DENND2B: variants seen among roughly 807,000 people sequenced by gnomAD.
DENND2B encodes the protein DENN domain containing 2B.
Under a neutral mutation model 116.0 loss-of-function variants are expected in DENND2B, and 32 were observed. The observed-to-expected ratio is 0.28, with a 90% CI of 0.21 to 0.37. The LOEUF is 0.37. DENND2B is among the 10% of genes least tolerant of loss of function. The pLI, the probability that DENND2B is intolerant of heterozygous loss-of-function variation, is 1.00. For synonymous variants in DENND2B, 588 were observed against 583.9 expected (o/e 1.01, Z -0.10); for missense variants, 1,276 against 1,477.7 (o/e 0.86, Z 2.24).
chr11:8,772,144 C>CAT (rs1184948774), intron 1 of DENND2B, among the ~76,000 whole-genome samples: 1 of 151,694 alleles, frequency 6.6e-6, no homozygotes, highest in Non-Finnish European at 1.5e-5. Context: ...CACACACACA[C>CAT]ACACACACAC....
At chr11:8,773,174 C>T (rs930548114) in intron 1 of DENND2B, among the ~76,000 whole-genome samples, 17 of 152,176 alleles carry the variant, frequency 1.1e-4, no homozygotes, top group African/African-American at 3.9e-4. Context: ...CTGCAGACCC[C>T]TTTCCCTTAA....
rs186448132 is a variant in DENND2B, at chr11:8,766,679, C to G, written c.-25-15954G>C. ...GGTTTCTTGCCAGCTATGCGCCCCA[C>G]CTCCATTCTTCCTTGAAGTCATAAT... On this transcript the variant is annotated intron_variant, in intron 1 of 19. Transcript: ENST00000313726. 1.2e-4 allele frequency: 151 copies of G among 1,289,154 alleles called. 1 individual carries two copies. In the East Asian group the frequency reaches 7.4e-3, roughly 64 times the overall value. The allele number at this position is 1,289,154 out of a possible 1,614,324, so 79.9% of individuals were successfully genotyped here.
chr11:8,806,906 G>GT (rs2060910266), intron 1 of DENND2B, among the ~76,000 whole-genome samples: 1 of 30,962 alleles, frequency 3.2e-5, no homozygotes, highest in African/African-American at 6.7e-5. Flanking sequence ...ATGCCAGATG[G>GT]TCTTTTTTTT....
At chr11:8,867,835 T>C (rs962893326) in intron 2 of DENND2B, among the ~76,000 whole-genome samples, 7 of 152,096 alleles carry the variant, frequency 4.6e-5, no homozygotes, top group Non-Finnish European at 1.0e-4. Context: ...TGCCTGCCTC[T>C]GCCTCCCAAA....
intron 3 of DENND2B, among the ~76,000 whole-genome samples, chr11:8,844,425 A>G (rs886961332): frequency 6.6e-6 from 1 of 152,196 alleles, no homozygotes; most frequent in African/African-American, 2.4e-5. Context: ...TTAAAAATAA[A>G]TAAATATTTA....
At chr11:8,697,676 A>G (rs764078719) in intron 16 of DENND2B, 40 bp from the exon 17 acceptor site, 2 of 1,371,410 alleles carry the variant, frequency 1.5e-6, no homozygotes, top group Non-Finnish European at 2.1e-6. Flanking sequence ...CATAGCTGAC[A>G]CTGAGCACTT....
In DENND2B at chr11:8,743,753, CT is replaced by C. The variant is rs1166521176; in HGVS notation, c.80+6867del. 7.2e-3 allele frequency among the ~76,000 whole-genome samples: 1,043 copies of C among 144,054 alleles called. 7 individuals carry two copies. The highest frequency in any genetic ancestry group is 0.021 in the African/African-American group (837 of 39,730). The allele number at this position is 144,054 out of a possible 152,430, so 94.5% of individuals were successfully genotyped here. The stretch of plus-strand genomic sequence containing the variant: ...GAAGTGGAGAGGGGCTTATCTCTTC[CT>C]TTTTTTTTTTTTCTTTGAAACAAAG... On this transcript the variant is annotated intron_variant, in intron 2 of 19. Coordinates refer to ENST00000313726, the MANE Select transcript of DENND2B (RefSeq NM_213618.2).
At chr11:8,815,982 G>A (rs984124420) in intron 4 of DENND2B, among the ~76,000 whole-genome samples, 1 of 152,196 alleles carries the variant, frequency 6.6e-6, no homozygotes, top group Non-Finnish European at 1.5e-5. Flanking sequence ...CACTAGAGGG[G>A]TTTATAGTAC....
intron 1 of DENND2B, among the ~76,000 whole-genome samples, chr11:8,780,766 G>C (rs550791478): frequency 6.6e-6 from 1 of 152,124 alleles, no homozygotes; most frequent in Non-Finnish European, 1.5e-5. Context: ...GAGGTCTAGG[G>C]GCTACGGCAG....
chr11:8,724,111 C>T (rs1398510947), intron 4 of DENND2B, among the ~76,000 whole-genome samples: 10 of 152,064 alleles, frequency 6.6e-5, no homozygotes, highest in African/African-American at 4.8e-5. Flanking sequence ...CTGGCTAACA[C>T]GGTGAAACCC....
chr11:8,722,736 C>CT (rs1340022155), intron 4 of DENND2B, among the ~76,000 whole-genome samples: 3 of 152,178 alleles, frequency 2.0e-5, no homozygotes, highest in Non-Finnish European at 4.4e-5. Context: ...GCACAGGGCA[C>CT]TGTCCTAACT....
chr11:8,776,157 C>CGT (rs1565923456), intron 1 of DENND2B: 8 of 359,296 alleles, frequency 2.2e-5, no homozygotes, highest in Non-Finnish European at 4.4e-5. Context: ...CACGCGCGCG[C>CGT]GCGCACACAC....
At chr11:8,763,327 G>T (rs955230955) in intron 1 of DENND2B, among the ~76,000 whole-genome samples, 1 of 152,024 alleles carries the variant, frequency 6.6e-6, no homozygotes, top group Non-Finnish European at 1.5e-5. Flanking sequence ...ATAACGTTGG[G>T]TATTATATAC....
chr11:8,863,257 C>CTTTT (rs56359289), intron 2 of DENND2B, among the ~76,000 whole-genome samples: 1 of 124,520 alleles, frequency 8.0e-6, no homozygotes, highest in African/African-American at 2.8e-5. Flanking sequence ...ACGCCACTTT[C>CTTTT]TTTTTTTTTT....
At chr11:8,830,596 A>C (rs1411540502) in intron 4 of DENND2B, 1 of 152,220 alleles carries the variant, frequency 6.6e-6, no homozygotes, top group Admixed American at 6.5e-5. Context: ...GATCTTTGTT[A>C]TCTCTCCAGC....
intron 4 of DENND2B, among the ~76,000 whole-genome samples, chr11:8,819,908 T>C (rs760694843): frequency 6.6e-6 from 1 of 152,284 alleles, no homozygotes; most frequent in African/African-American, 2.4e-5. Context: ...GTTTTGATCA[T>C]TGTACTGTAG....
intron 3 of DENND2B, among the ~76,000 whole-genome samples, chr11:8,851,677 G>C (rs1373024106): frequency 6.6e-6 from 1 of 152,018 alleles, no homozygotes; most frequent in African/African-American, 2.4e-5. Context: ...CTAAAATATG[G>C]GTATAAGGAT....
chr11:8,771,948 T>C (rs182885013), intron 1 of DENND2B: 1 of 152,236 alleles, frequency 6.6e-6, no homozygotes, highest in African/African-American at 2.4e-5. Flanking sequence ...TACCTCTTAA[T>C]ACCATCACAA....
At chr11:8,771,825 G>A (rs558811149) in intron 1 of DENND2B, 1 of 152,200 alleles carries the variant, frequency 6.6e-6, no homozygotes, top group Non-Finnish European at 1.5e-5. Context: ...ACAAAAGAGA[G>A]AGAGGGCAGG....
Sources: gnomAD v4.1 joint callset for allele counts (sites outside exome capture counted in the v4.1 genomes callset) on GRCh38, gnomAD v4.1.1 for gene constraint, MANE v1.5 for transcripts, NCBI Gene and HGNC (gene_info 2026-07-23, HGNC 2026-07-21) for gene names.